Variants in HTR1E observed in about 807,000 individuals in gnomAD.
The protein encoded by HTR1E is 5-HT-1E.
Under a neutral mutation model 3.4 loss-of-function variants are expected in HTR1E, and 3 were observed. That is an observed-to-expected ratio of 0.89 (90% CI 0.41 to 2.31). The LOEUF (loss-of-function observed/expected upper bound fraction) is 2.31, where lower values mean the gene tolerates loss of function less well. Ranked by LOEUF, HTR1E falls within the 30% of genes most tolerant of loss-of-function variation. HTR1E has a pLI of 0.05. For synonymous variants in HTR1E, 170 were observed against 182.8 expected (o/e 0.93, Z 0.56); for missense variants, 392 against 467.0 (o/e 0.84, Z 1.48).
intron 1 of HTR1E, among the ~76,000 whole-genome samples, chr6:87,002,147 T>A (rs976175645): frequency 1.1e-4 from 17 of 152,374 alleles, no homozygotes; most frequent in African/African-American, 3.8e-4. Context: ...TTGGTCTCCC[T>A]GACTTCAGGA....
chr6:86,991,971 C>T (rs1443043071), intron 1 of HTR1E, among the ~76,000 whole-genome samples: 2 of 152,104 alleles, frequency 1.3e-5, no homozygotes, highest in Non-Finnish European at 2.9e-5. Context: ...TTTTGCCAAT[C>T]ACTTGCATCA....
chr6:86,942,384 T>C (rs1768557947), intron 1 of HTR1E, among the ~76,000 whole-genome samples: 2 of 152,244 alleles, frequency 1.3e-5, no homozygotes, highest in Admixed American at 6.5e-5. Flanking sequence ...AGTCCTAATT[T>C]TAATGTTGAA....
chr6:86,992,634 C>T (rs1767884803), intron 1 of HTR1E, among the ~76,000 whole-genome samples: 1 of 152,170 alleles, frequency 6.6e-6, no homozygotes, highest in Non-Finnish European at 1.5e-5. Flanking sequence ...AGCATATAAA[C>T]ATGTTCAGCA....
At chr6:86,970,188 C>T (rs2127822614) in intron 1 of HTR1E, among the ~76,000 whole-genome samples, 1 of 152,238 alleles carries the variant, frequency 6.6e-6, no homozygotes, top group Non-Finnish European at 1.5e-5. Flanking sequence ...GGGCTCCATT[C>T]CTGGAGCACA....
chr6:86,978,956 C>A (rs1034325323), intron 1 of HTR1E, among the ~76,000 whole-genome samples: 1 of 152,196 alleles, frequency 6.6e-6, no homozygotes, highest in Non-Finnish European at 1.5e-5. Flanking sequence ...ACAAATTAAA[C>A]CCAAGAGAGT....
chr6:86,957,642 G>C (rs1233802119), intron 1 of HTR1E, among the ~76,000 whole-genome samples: 1 of 152,106 alleles, frequency 6.6e-6, no homozygotes, highest in Non-Finnish European at 1.5e-5. Flanking sequence ...CCTATCTTCT[G>C]AATCAATGTA....
intron 1 of HTR1E, among the ~76,000 whole-genome samples, chr6:86,982,081 G>A (rs905990253): frequency 6.6e-6 from 1 of 152,178 alleles, no homozygotes; most frequent in Non-Finnish European, 1.5e-5. Context: ...GGCCTCAATT[G>A]CCAGTATTCT....
chr6:87,000,670 AAG>A (rs1768008735), intron 1 of HTR1E, among the ~76,000 whole-genome samples: 1 of 152,234 alleles, frequency 6.6e-6, no homozygotes, highest in African/African-American at 2.4e-5. Context: ...TCAAACATGA[AAG>A]AGAAATAAAG....
chr6:86,945,473 C>A (rs1031342732), intron 1 of HTR1E, among the ~76,000 whole-genome samples: 2 of 151,994 alleles, frequency 1.3e-5, no homozygotes, highest in African/African-American at 4.8e-5. Flanking sequence ...GAACCCCCGA[C>A]CTCAAATGAT....
At chr6:86,966,224 A>T (rs116682868) in intron 1 of HTR1E, among the ~76,000 whole-genome samples, 131 of 152,288 alleles carry the variant, frequency 8.6e-4, no homozygotes, top group African/African-American at 3.0e-3. Flanking sequence ...AGCTGAAAAT[A>T]AAGTCAGGTT....
chr6:87,006,624 T>A (rs938914428), intron 1 of HTR1E, among the ~76,000 whole-genome samples: 1 of 152,178 alleles, frequency 6.6e-6, no homozygotes, highest in Admixed American at 6.5e-5. Context: ...TACATGCATG[T>A]GTATGTTCAC....
chr6:86,947,671 T>C (rs868815000), intron 1 of HTR1E, among the ~76,000 whole-genome samples: 4 of 152,202 alleles, frequency 2.6e-5, no homozygotes, highest in Non-Finnish European at 5.9e-5. Context: ...GTATGTTATA[T>C]ACTTTTCTTG....
intron 1 of HTR1E, among the ~76,000 whole-genome samples, chr6:86,989,465 G>A (rs985817509): frequency 6.6e-6 from 1 of 152,154 alleles, no homozygotes; most frequent in Non-Finnish European, 1.5e-5. Context: ...GAGTGCCTTA[G>A]GAATCAAATA....
chr6:86,959,883 C>T (rs1019827842), intron 1 of HTR1E, among the ~76,000 whole-genome samples: 11 of 152,158 alleles, frequency 7.2e-5, no homozygotes, highest in Admixed American at 5.2e-4. Context: ...AAAGATAAGG[C>T]GTCTCTGAAT....
chr6:86,977,499 T>C (rs920163686), intron 1 of HTR1E, among the ~76,000 whole-genome samples: 4 of 152,112 alleles, frequency 2.6e-5, no homozygotes, highest in Admixed American at 1.3e-4. Context: ...AACATATGAG[T>C]GCATGCATCT....
Position 86,997,887 on chromosome 6 carries a change from T to G in HTR1E, c.-185-17263T>G, listed in dbSNP as rs572638324. On this transcript the variant is annotated intron_variant, in intron 1 of 1. Transcript: ENST00000305344. Reference sequence around the variant, plus strand: ...TATAAAGATATAAATAGGTTAGAAATAAAAGGATTAAAAAAGGCATGTCAT... The same window carrying G: ...TATAAAGATATAAATAGGTTAGAAAGAAAAGGATTAAAAAAGGCATGTCAT... Among the ~76,000 whole-genome samples the G allele has an allele frequency of 2.0e-5, 3 of 151,738 alleles. No individual in the cohort carries two copies. In the East Asian group the frequency reaches 5.8e-4, roughly 29 times the overall value.
intron 1 of HTR1E, among the ~76,000 whole-genome samples, chr6:87,000,971 AAAC>A (rs1191669511): frequency 3.3e-5 from 5 of 152,222 alleles, no homozygotes; most frequent in Non-Finnish European, 7.3e-5. Context: ...CTATGAATAG[AAAC>A]AACAAAAAGT....
chr6:87,016,140 A>C lies in HTR1E; in HGVS notation c.806A>C (p.Asp269Ala). 6.2e-7 allele frequency: 1 copy of C among 1,614,180 alleles called. No homozygotes were observed. Among genetic ancestry groups the C allele is most frequent in the Non-Finnish European group, 8.5e-7 (1 of 1,180,038 alleles). ...FHASIRIPPFDNDLDHPGERQ... is the reference protein window; with the variant it reads ...FHASIRIPPFANDLDHPGERQ... ...GCCTCCATCAGGATCCCCCCCTTCG[A>C]CAATGATCTAGATCACCCAGGAGAA... Residue 269 changes from aspartate (D) to alanine (A), a missense_variant, in exon 2 of 2, where the codon GAC becomes GCC. Asp to Ala is a moderately radical substitution (Grantham distance 126). Around this residue, in one of 3 missense-constraint regions of HTR1E, gnomAD observed 178 missense variants for 164.9 expected, o/e 1.08. Transcript: ENST00000305344.
chr6:86,999,332 T>C (rs1460679319), intron 1 of HTR1E, among the ~76,000 whole-genome samples: 1 of 152,028 alleles, frequency 6.6e-6, no homozygotes, highest in Non-Finnish European at 1.5e-5. Context: ...TATACAGATA[T>C]CCTCTAACAA....
Sources: gnomAD v4.1 joint callset for allele counts (sites outside exome capture counted in the v4.1 genomes callset) on GRCh38, gnomAD v4.1.1 for gene constraint, gnomAD v4.1.1 regional missense constraint, MANE v1.5 for transcripts, NCBI Gene and HGNC (gene_info 2026-07-23, HGNC 2026-07-21) for gene names.